The following KCNH7 variants were observed in gnomAD, a reference collection of about 807,000 sequenced individuals.
KCNH7 encodes potassium voltage-gated channel subfamily H member 7.
In KCNH7, 49 loss-of-function variants were observed where a neutral mutation model predicts 120.8. That is an observed-to-expected ratio of 0.41 (90% CI 0.32 to 0.51). KCNH7 has a LOEUF of 0.51. KCNH7 is among the 20% of genes least tolerant of loss of function. KCNH7 has a pLI of 0.38. For missense variants in KCNH7, 1,097 were observed against 1,446.6 expected, an observed-to-expected ratio of 0.76 and a Z score of 3.92; for synonymous variants, 547 against 516.1, an observed-to-expected ratio of 1.06 and a Z score of -0.81.
At chr2:162,679,470 TA>T (rs1321191473) in intron 2 of KCNH7, among the ~76,000 whole-genome samples, 1 of 151,674 alleles carries the variant, frequency 6.6e-6, no homozygotes, top group Non-Finnish European at 1.5e-5. Flanking sequence ...TAAAAACTCC[TA>T]AAGTTAAGAC....
At chr2:162,534,827 C>A (rs1460235063) in intron 3 of KCNH7, among the ~76,000 whole-genome samples, 3 of 151,616 alleles carry the variant, frequency 2.0e-5, no homozygotes, top group Admixed American at 6.6e-5. Flanking sequence ...AGATCAATCT[C>A]CCTATTGGAT....
At chr2:162,525,908 T>G (rs1402311105) in intron 3 of KCNH7, among the ~76,000 whole-genome samples, 2 of 151,840 alleles carry the variant, frequency 1.3e-5, no homozygotes, top group Non-Finnish European at 2.9e-5. Context: ...ATTTGGGCAT[T>G]CATTAACATC....
intron 2 of KCNH7, among the ~76,000 whole-genome samples, chr2:162,697,626 G>A (rs1686339601): frequency 6.6e-6 from 1 of 152,056 alleles, no homozygotes; most frequent in Non-Finnish European, 1.5e-5. Context: ...TGGGGCAAGT[G>A]ATAGCCCATG....
chr2:162,727,921 G>C (rs1299689712), intron 2 of KCNH7, among the ~76,000 whole-genome samples: 8 of 152,042 alleles, frequency 5.3e-5, no homozygotes, highest in Non-Finnish European at 8.8e-5. Flanking sequence ...TTTAGGATAA[G>C]TTTAGCAAAA....
chr2:162,451,199 A>G (rs1238153625), intron 6 of KCNH7, among the ~76,000 whole-genome samples: 1 of 152,066 alleles, frequency 6.6e-6, no homozygotes, highest in African/African-American at 2.4e-5. Flanking sequence ...CTATCTATCC[A>G]GAGCTACCAT....
chr2:162,725,579 A>C (rs1451872678), intron 2 of KCNH7, among the ~76,000 whole-genome samples: 1 of 152,218 alleles, frequency 6.6e-6, no homozygotes, highest in Non-Finnish European at 1.5e-5. Flanking sequence ...ATACTAGAAT[A>C]ATAGAAGCAC....
At chr2:162,737,539 C>A (rs1687958909) in intron 2 of KCNH7, among the ~76,000 whole-genome samples, 1 of 152,034 alleles carries the variant, frequency 6.6e-6, no homozygotes, top group South Asian at 2.1e-4. Context: ...ATAAATAAGA[C>A]CCCTCTTAAG....
chr2:162,562,587 G>A (rs1164684177), intron 2 of KCNH7, among the ~76,000 whole-genome samples: 3 of 152,182 alleles, frequency 2.0e-5, no homozygotes, highest in East Asian at 3.9e-4. Flanking sequence ...TAGCTCAGAC[G>A]ACTGAGCATG....
At chr2:162,683,178 C>T (rs938248703) in intron 2 of KCNH7, among the ~76,000 whole-genome samples, 8 of 151,772 alleles carry the variant, frequency 5.3e-5, no homozygotes, top group Non-Finnish European at 1.0e-4. Context: ...TATTTATTTG[C>T]TTAGAGACAC....
At chr2:162,458,710 G>T (rs1189046832) in intron 6 of KCNH7, among the ~76,000 whole-genome samples, 1 of 152,180 alleles carries the variant, frequency 6.6e-6, no homozygotes, top group East Asian at 1.9e-4. Flanking sequence ...AACCACGTGA[G>T]AAATGGGAGA....
chr2:162,662,650 C>T (rs1458908098), intron 2 of KCNH7, among the ~76,000 whole-genome samples: 2 of 152,146 alleles, frequency 1.3e-5, no homozygotes, highest in South Asian at 4.1e-4. Flanking sequence ...ACAGCTAGTT[C>T]CTTTAGAGGT....
chr2:162,431,846 A>G (rs1312302223), intron 8 of KCNH7, among the ~76,000 whole-genome samples: 2 of 152,000 alleles, frequency 1.3e-5, no homozygotes, highest in Non-Finnish European at 2.9e-5. Flanking sequence ...GGAAGGAAGG[A>G]CAAAGGAAGA....
At chr2:162,573,756 G>A (rs973443492) in intron 2 of KCNH7, among the ~76,000 whole-genome samples, 4 of 151,936 alleles carry the variant, frequency 2.6e-5, no homozygotes, top group African/African-American at 9.7e-5. Context: ...ATGTTGTTAT[G>A]TTCAATATGG....
At chr2:162,603,625 T>C (rs937163196) in intron 2 of KCNH7, among the ~76,000 whole-genome samples, 3 of 152,114 alleles carry the variant, frequency 2.0e-5, no homozygotes, top group Non-Finnish European at 4.4e-5. Context: ...GAGGATCACT[T>C]GAGCCCAGAA....
chr2:162,573,429 G>A (rs1010643216), intron 2 of KCNH7, among the ~76,000 whole-genome samples: 16 of 151,890 alleles, frequency 1.1e-4, no homozygotes, highest in Admixed American at 7.2e-4. Flanking sequence ...AATACTAATA[G>A]CATAATTAAA....
At position 162,655,486 on chromosome 2, in the gene KCNH7, C is replaced by T. The variant is rs992376054; in HGVS notation, c.308-118406G>A. Among the ~76,000 whole-genome samples, 9 of 152,162 alleles carry T rather than the reference C, an allele frequency of 5.9e-5. No homozygotes were observed. In the East Asian group the frequency reaches 1.4e-3, roughly 23 times the overall value. On this transcript the variant is annotated intron_variant, in intron 2 of 15. Transcript: ENST00000332142. Reference sequence around the variant, plus strand: ...AAAATGAGGATAATAATATCTGGCTCATAGAATTATTGTGGTCTGGCCGGG... The same window carrying T: ...AAAATGAGGATAATAATATCTGGCTTATAGAATTATTGTGGTCTGGCCGGG...
intron 2 of KCNH7, among the ~76,000 whole-genome samples, chr2:162,736,063 A>G (rs879788210): frequency 6.6e-6 from 1 of 152,034 alleles, no homozygotes; most frequent in Non-Finnish European, 1.5e-5. Flanking sequence ...TAATACATAT[A>G]ATAAAAAATC....
intron 2 of KCNH7, among the ~76,000 whole-genome samples, chr2:162,567,244 A>G (rs1369153802): frequency 6.6e-6 from 1 of 152,012 alleles, no homozygotes; most frequent in East Asian, 1.9e-4. Context: ...CTCTAATAAA[A>G]AATCAAAATT....
intron 2 of KCNH7, among the ~76,000 whole-genome samples, chr2:162,743,024 C>T (rs995130884): frequency 3.3e-5 from 5 of 152,128 alleles, no homozygotes; most frequent in African/African-American, 1.2e-4. Context: ...TAATTGTCAG[C>T]CATATTTGGT....
Sources: gnomAD v4.1 joint callset for allele counts (sites outside exome capture counted in the v4.1 genomes callset) on GRCh38, gnomAD v4.1.1 for gene constraint, MANE v1.5 for transcripts, NCBI Gene and HGNC (gene_info 2026-07-23, HGNC 2026-07-21) for gene names.